The following TNXB variants were observed in gnomAD, a reference collection of about 807,000 sequenced individuals.
The protein encoded by TNXB is tenascin XB, also known as tenascin-X.
TNXB carries 183 observed loss-of-function variants against 340.5 expected under a neutral mutation model. The observed-to-expected ratio is 0.54, with a 90% CI of 0.48 to 0.61. The LOEUF is 0.61. Ranked by LOEUF, TNXB falls within the 20% of genes least tolerant of loss-of-function variation. The pLI is 0.00. For synonymous variants in TNXB, 2,121 were observed against 2,314.5 expected (o/e 0.92, Z 2.40); for missense variants, 4,613 against 5,446.4 (o/e 0.85, Z 4.82).
intron 40 of TNXB, 30 bp downstream of exon 40, chr6:32,042,425 C>A: frequency 6.2e-7 from 1 of 1,608,458 alleles, no homozygotes; most frequent in Non-Finnish European, 8.5e-7. Context: ...CTGCCCTGCA[C>A]AGACCCCTGG....
In TNXB at chr6:32,070,024, G is replaced by T. The variant is rs928717468; in HGVS notation, c.5278+103C>A. On this transcript the variant is annotated intron_variant, in intron 14 of 43. Transcript: ENST00000644971. The surrounding 1 kb of genome is among the most constrained non-coding windows in gnomAD (Gnocchi z 6.0). ...GGACGTGGGGAGCTGGATCTGAGCCGAGTGGCTGGGGCCAAATAATGGTAA... is the reference window on the plus strand; with the variant it reads ...GGACGTGGGGAGCTGGATCTGAGCCTAGTGGCTGGGGCCAAATAATGGTAA... 2.8e-6 allele frequency: 4 copies of T among 1,414,146 alleles called. No homozygotes were observed. In the Admixed American group the frequency reaches 8.1e-5, roughly 29 times the overall value. 87.6% of individuals were successfully genotyped at this position (1,414,146 alleles called of 1,614,324 possible). A position where few individuals can be genotyped will look rare whatever the true frequency, so the allele number is the denominator to read the frequency against.
chr6:32,104,984 C>T (rs149976255), intron 1 of TNXB, among the ~76,000 whole-genome samples: 187 of 152,270 alleles, frequency 1.2e-3, no homozygotes, highest in Admixed American at 2.6e-3. Flanking sequence ...GTCTCACAAA[C>T]GCAATCAGGA....
In TNXB at chr6:32,081,664, C is replaced by T. The variant is rs529991443; in HGVS notation, c.3746G>A (p.Arg1249Lys). ...LTADGTTAPE[R>K]KEEPPRPEFL... ...CTCAGGGCGGGGGGGCTCCTCTTTC[C>T]TCTCTGGAGCTGTAAACAAGGAGAT... The change falls in exon 10 of 44, where the codon AGG becomes AAG. Residue 1249 changes from arginine (R) to lysine (K), a missense_variant. Transcript: ENST00000644971. This position sits in a 1 kb window ranked among gnomAD's most constrained non-coding sequence, Gnocchi z 5.1. The T allele has an allele frequency of 3.2e-6, 5 of 1,578,308 alleles. No individual in the cohort carries two copies. In the Admixed American group the frequency reaches 5.3e-5, roughly 17 times the overall value.
Position 32,070,092 on chromosome 6 carries a change from G to T in TNXB, c.5278+35C>A. ...GACCGTCTGCTGCTTGGCCTGAGGGGAGCAGAGCAGGGACCTGCAGGGAAT... is the reference window on the plus strand; with the variant it reads ...GACCGTCTGCTGCTTGGCCTGAGGGTAGCAGAGCAGGGACCTGCAGGGAAT... On this transcript the variant is annotated intron_variant, in intron 14 of 43. Coordinates refer to ENST00000644971, the MANE Select transcript of TNXB (RefSeq NM_001365276.2). This position sits in a 1 kb window ranked among gnomAD's most constrained non-coding sequence, Gnocchi z 6.0. 1 of 1,512,778 alleles carries T rather than the reference G, an allele frequency of 6.6e-7. No homozygotes were observed. The highest frequency in any genetic ancestry group is 1.3e-5 in the South Asian group (1 of 74,818). The allele number at this position is 1,512,778 out of a possible 1,614,324, so 93.7% of individuals were successfully genotyped here.
rs888593440 is a variant in TNXB at position 32,083,478 on chromosome 6, C to T, written c.3445+935G>A. Among the ~76,000 whole-genome samples the T allele has an allele frequency of 2.0e-5, 3 of 152,156 alleles. No homozygotes were observed. The highest frequency in any genetic ancestry group is 4.4e-5 in the Non-Finnish European group (3 of 68,034). On this transcript the variant is annotated intron_variant, in intron 8 of 43. Coordinates refer to ENST00000644971, the MANE Select transcript of TNXB (RefSeq NM_001365276.2). This position sits in a 1 kb window ranked among gnomAD's most constrained non-coding sequence, Gnocchi z 4.6. ...ACAAAAGGTATTTATGTAAGTGTCTCTTAGATATTGATCTAAGTTTATCTA... is the reference window on the plus strand; with the variant it reads ...ACAAAAGGTATTTATGTAAGTGTCTTTTAGATATTGATCTAAGTTTATCTA...
At position 32,068,598 on chromosome 6, in the gene TNXB, G is replaced by A. The variant is rs760444407; in HGVS notation, c.6012C>T (p.Ser2004=). 11 of 1,613,954 alleles carry A rather than the reference G, an allele frequency of 6.8e-6. No homozygotes were observed. The South Asian group carries it at 1.1e-4, about 16-fold the overall frequency. The change falls in exon 17 of 44, where the codon AGC becomes AGT. Residue 2004 remains serine, a synonymous_variant. Coordinates refer to ENST00000644971, the MANE Select transcript of TNXB (RefSeq NM_001365276.2). The surrounding 1 kb of genome is among the most constrained non-coding windows in gnomAD (Gnocchi z 5.3). ...TVTDATPDSL[S]LSWTVPEGQF... ...GTCCCTCGGGAACTGTCCAGGACAG[G>A]CTGAGGGAGTCAGGGGTGGCATCTG... is the stretch of plus-strand genomic sequence containing the variant.
chr6:32,097,805 C>T lies in TNXB; in HGVS notation c.394G>A (p.Ala132Thr), dbSNP rs747265735. 1 of 1,503,686 alleles carries T rather than the reference C, an allele frequency of 6.7e-7. No homozygotes were observed. The highest frequency in any genetic ancestry group is 2.3e-5 in the East Asian group (1 of 43,744). 93.1% of individuals were successfully genotyped at this position (1,503,686 alleles called of 1,614,324 possible). Reference sequence around the variant, plus strand: ...GTGATCACCTGCTCACCTGTGCCAGCTTGGGCAGAGGCAGGACAACATCCC... The same window carrying T: ...GTGATCACCTGCTCACCTGTGCCAGTTTGGGCAGAGGCAGGACAACATCCC... ...TGGCCPASAQ[A>T]GTGQTDVRTL... The change falls in exon 2 of 44, where the codon GCT becomes ACT. Residue 132 changes from alanine (A) to threonine (T), a missense_variant. By Grantham distance (58) the Ala-to-Thr change is moderately conservative (BLOSUM62 0). Coordinates refer to ENST00000644971, the MANE Select transcript of TNXB (RefSeq NM_001365276.2). The surrounding 1 kb of genome is among the most constrained non-coding windows in gnomAD (Gnocchi z 5.9).
At chr6:32,104,203 T>C (rs1277101087) in intron 1 of TNXB, among the ~76,000 whole-genome samples, 1 of 152,206 alleles carries the variant, frequency 6.6e-6, no homozygotes, top group African/African-American at 2.4e-5. Flanking sequence ...ACTAAATTAA[T>C]AGACCTACTG....
Position 32,097,583 on chromosome 6 carries a change from G to C in TNXB, c.404-134C>G. 2 of 1,212,594 alleles carry C rather than the reference G, an allele frequency of 1.6e-6. No individual in the cohort carries two copies. The highest frequency in any genetic ancestry group is 2.2e-6 in the Non-Finnish European group (2 of 889,190). 75.1% of individuals were successfully genotyped at this position (1,212,594 alleles called of 1,614,324 possible). On this transcript the variant is annotated intron_variant, in intron 2 of 43. Transcript: ENST00000644971. The surrounding 1 kb of genome is among the most constrained non-coding windows in gnomAD (Gnocchi z 5.9). The stretch of plus-strand genomic sequence containing the variant: ...AGGCCATGTCTGCTCCCAGTTGCTA[G>C]TATGTGTAATGTATGCAGCCTCTCA...
Position 32,043,776 on chromosome 6 carries a change from C to T in TNXB, c.11503G>A (p.Glu3835Lys), listed in dbSNP as rs769637706. The change falls in exon 35 of 44, where the codon GAG becomes AAG. Residue 3835 changes from glutamate (E) to lysine (K), a missense_variant. This residue lies in a region of TNXB where 114 missense variants were observed against 104.5 expected (regional missense o/e 1.09). Transcript: ENST00000644971. ...GTGGTGAGGAAGCCTGTGAGAGGCT[C>T]ACTCTCCTCAAAGCCTCGGACCGAG... is the stretch of plus-strand genomic sequence containing the variant. ...VVSVRGFEES[E>K]PLTGFLTTVP... 6.2e-7 allele frequency: 1 copy of T among 1,613,482 alleles called. No individual in the cohort carries two copies. Among genetic ancestry groups the T allele is most frequent in the Non-Finnish European group, 8.5e-7 (1 of 1,180,022 alleles).
Position 32,053,633 on chromosome 6 carries a change from T to C in TNXB, c.8546A>G (p.Glu2849Gly). The C allele has an allele frequency of 6.2e-7, 1 of 1,613,320 alleles. No individual in the cohort carries two copies. The highest frequency in any genetic ancestry group is 8.5e-7 in the Non-Finnish European group (1 of 1,179,796). ...PEPPNKPRLG[E>G]LTVTDATPDS... ...AGGGGTGGCATCTGTCACGGTCAGC[T>C]CCCCGAGGCGAGGCTTGTTGGGGGG... The change falls in exon 25 of 44, where the codon GAG becomes GGG. Residue 2849 changes from glutamate (E) to glycine (G), a missense_variant. Around this residue, in one of 7 missense-constraint regions of TNXB, gnomAD observed 4,327 missense variants for 4,859.4 expected, o/e 0.89. Transcript: ENST00000644971.
At chr6:32,063,279 T>G (rs1005970805) in intron 19 of TNXB, among the ~76,000 whole-genome samples, 1 of 151,890 alleles carries the variant, frequency 6.6e-6, no homozygotes, top group Non-Finnish European at 1.5e-5. Context: ...TCCCAGCTAC[T>G]CGGAAGGCTG....
chr6:32,104,710 C>T (rs914490363), intron 1 of TNXB, among the ~76,000 whole-genome samples: 5 of 152,066 alleles, frequency 3.3e-5, no homozygotes, highest in African/African-American at 1.2e-4. Flanking sequence ...TCATAGCTCG[C>T]TGCAGCATTG....
In TNXB at chr6:32,046,945, C is replaced by T. The variant is rs1776926270; in HGVS notation, c.10325-489G>A. Among the ~76,000 whole-genome samples the T allele has an allele frequency of 6.6e-6, 1 of 152,250 alleles. No individual in the cohort carries two copies. The highest frequency in any genetic ancestry group is 1.5e-5 in the Non-Finnish European group (1 of 68,044). On this transcript the variant is annotated intron_variant, in intron 30 of 43. Coordinates refer to ENST00000644971, the MANE Select transcript of TNXB (RefSeq NM_001365276.2). This position sits in a 1 kb window ranked among gnomAD's most constrained non-coding sequence, Gnocchi z 6.9. Reference sequence around the variant, plus strand: ...TGATCTCCCCCTTGTCCCCTTGTGGCCATCAGCCTGAACATCCGTGCCTCC... The same window carrying T: ...TGATCTCCCCCTTGTCCCCTTGTGGTCATCAGCCTGAACATCCGTGCCTCC...
intron 26 of TNXB, 125 bp from the exon 27 acceptor site, chr6:32,050,446 T>C: frequency 8.2e-7 from 1 of 1,226,698 alleles, no homozygotes; most frequent in Non-Finnish European, 1.1e-6. Flanking sequence ...CCAGCACAGC[T>C]CTTCATCCTC....
chr6:32,096,233 A>ATCC lies in TNXB; in HGVS notation c.1617_1619dup (p.Glu539dup). On this transcript the variant is annotated inframe_insertion, in exon 3 of 44. Coordinates refer to ENST00000644971, the MANE Select transcript of TNXB (RefSeq NM_001365276.2). ...AGCCTGCGTCACACACGCACACGCCATCCTCGCAAAGGCCGTGCCCACGGC... is the reference window on the plus strand; with the variant it reads ...AGCCTGCGTCACACACGCACACGCCATCCTCCTCGCAAAGGCCGTGCCCACGGC... 1 of 1,569,290 alleles carries ATCC rather than the reference A, an allele frequency of 6.4e-7. No individual in the cohort carries two copies. The highest frequency in any genetic ancestry group is 8.6e-7 in the Non-Finnish European group (1 of 1,161,070).
Position 32,049,513 on chromosome 6 carries a change from A to C in TNXB, c.9514T>G (p.Leu3172Val). ...EAPEEPLLGE[L>V]TVTGSSPDSL... Reference sequence around the variant, plus strand: ...TCAGGGGAGGATCCTGTCACTGTCAACTCCCCCAGGAGCGGCTCCTCAGGG... The same window carrying C: ...TCAGGGGAGGATCCTGTCACTGTCACCTCCCCCAGGAGCGGCTCCTCAGGG... Residue 3172 changes from leucine to valine, a missense_variant, in exon 28 of 44, where the codon TTG (leucine) becomes GTG (valine). This residue lies in a region of TNXB where 4,327 missense variants were observed against 4,859.4 expected (regional missense o/e 0.89). Coordinates refer to ENST00000644971, the MANE Select transcript of TNXB (RefSeq NM_001365276.2). This position sits in a 1 kb window ranked among gnomAD's most constrained non-coding sequence, Gnocchi z 4.5. The C allele has an allele frequency of 6.2e-7, 1 of 1,611,908 alleles. No individual in the cohort carries two copies. Among genetic ancestry groups the C allele is most frequent in the Non-Finnish European group, 8.5e-7 (1 of 1,179,682 alleles).
At position 32,087,200 on chromosome 6, in the gene TNXB, C is replaced by G; in HGVS notation, c.2780-1082G>C. 1 of 474,484 alleles carries G rather than the reference C, an allele frequency of 2.1e-6. No homozygotes were observed. The highest frequency in any genetic ancestry group is 4.2e-6 in the Non-Finnish European group (1 of 238,014). 29.4% of individuals were successfully genotyped at this position (474,484 alleles called of 1,614,324 possible). ...AATTCATGAATGCAGGCTCCAACGGCAGGTGAGGCTGGACAAGGGATAGGT... is the reference window on the plus strand; with the variant it reads ...AATTCATGAATGCAGGCTCCAACGGGAGGTGAGGCTGGACAAGGGATAGGT... On this transcript the variant is annotated intron_variant, in intron 6 of 43. Transcript: ENST00000644971. The surrounding 1 kb of genome is among the most constrained non-coding windows in gnomAD (Gnocchi z 9.0).
Position 32,081,359 on chromosome 6 carries a change from A to G in TNXB, c.4042+9T>C. On this transcript the variant is annotated intron_variant, in intron 10 of 43. Coordinates refer to ENST00000644971, the MANE Select transcript of TNXB (RefSeq NM_001365276.2). This position sits in a 1 kb window ranked among gnomAD's most constrained non-coding sequence, Gnocchi z 5.1. Reference sequence around the variant, plus strand: ...AGCAGGGGAGGGAGGCCTGGCAGCCATGACTCACCAGTCTTGGCCACCACA... The same window carrying G: ...AGCAGGGGAGGGAGGCCTGGCAGCCGTGACTCACCAGTCTTGGCCACCACA... The G allele has an allele frequency of 6.5e-7, 1 of 1,527,722 alleles. No homozygotes were observed. Among genetic ancestry groups the G allele is most frequent in the Non-Finnish European group, 8.8e-7 (1 of 1,130,386 alleles). The allele number at this position is 1,527,722 out of a possible 1,614,324, so 94.6% of individuals were successfully genotyped here.
Sources: gnomAD v4.1 joint callset for allele counts (sites outside exome capture counted in the v4.1 genomes callset) on GRCh38, gnomAD v4.1.1 for gene constraint, gnomAD v4.1.1 regional missense constraint, Gnocchi (gnomAD v3.1) non-coding constraint, MANE v1.5 for transcripts, NCBI Gene and HGNC (gene_info 2026-07-23, HGNC 2026-07-21) for gene names.